The following EDNRA variants were observed in gnomAD, a reference collection of about 807,000 sequenced individuals.
The protein encoded by EDNRA is endothelin receptor type A.
Under a neutral mutation model 41.4 loss-of-function variants are expected in EDNRA, and 11 were observed. The observed-to-expected ratio is 0.27, with a 90% CI of 0.17 to 0.44. The LOEUF (loss-of-function observed/expected upper bound fraction) is 0.44. EDNRA is among the 20% of genes least tolerant of loss of function. The pLI is 1.00. For missense variants in EDNRA, 294 were observed against 531.0 expected, an observed-to-expected ratio of 0.55 and a Z score of 4.39; for synonymous variants, 172 against 183.0, an observed-to-expected ratio of 0.94 and a Z score of 0.49.
At chr4:147,520,377 G>A (rs1205451424) in intron 3 of EDNRA, 12 of 518,300 alleles carry the variant, frequency 2.3e-5, no homozygotes, top group South Asian at 1.7e-4. Flanking sequence ...TGAGTGAGAG[G>A]TAAGTGCACC....
At chr4:147,536,747 G>A (rs915984513) in intron 5 of EDNRA, among the ~76,000 whole-genome samples, 6 of 152,240 alleles carry the variant, frequency 3.9e-5, no homozygotes, top group Non-Finnish European at 8.8e-5. Context: ...CAAAGTTCTA[G>A]AAGGAATTTG....
In EDNRA at chr4:147,527,261, GA is replaced by G. The variant is rs533767437; in HGVS notation, c.549-5237del. 1.2e-3 allele frequency among the ~76,000 whole-genome samples: 184 copies of G among 151,736 alleles called. 1 individual carries two copies. In the Middle Eastern group the frequency reaches 0.02, roughly 17 times the overall value. ...AATCCAGAAAAATCATTCAGAAAGA[GA>G]AAAAAAATTATGTGTACAAACAAGC... is the stretch of plus-strand genomic sequence containing the variant. On this transcript the variant is annotated intron_variant, in intron 3 of 7. Coordinates refer to ENST00000651419, the MANE Select transcript of EDNRA (RefSeq NM_001957.4).
chr4:147,516,408 TAAAC>T (rs1227207094), intron 2 of EDNRA, among the ~76,000 whole-genome samples: 2 of 152,376 alleles, frequency 1.3e-5, no homozygotes, highest in African/African-American at 4.8e-5. Flanking sequence ...GAGACACTGA[TAAAC>T]AACTTTCAAA....
At chr4:147,490,708 A>G (rs1453177271) in intron 2 of EDNRA, 2 of 152,200 alleles carry the variant, frequency 1.3e-5, no homozygotes, top group Admixed American at 6.5e-5. Context: ...TTAATGATTC[A>G]TGAGATTACA....
intron 3 of EDNRA, among the ~76,000 whole-genome samples, chr4:147,523,910 G>C (rs1474041457): frequency 6.6e-6 from 1 of 152,020 alleles, no homozygotes; most frequent in African/African-American, 2.4e-5. Flanking sequence ...GCCTGAACTC[G>C]TATTTTAGGT....
At chr4:147,525,123 A>T (rs985592313) in intron 3 of EDNRA, among the ~76,000 whole-genome samples, 1 of 152,208 alleles carries the variant, frequency 6.6e-6, no homozygotes, top group Non-Finnish European at 1.5e-5. Context: ...GAAACCTTAC[A>T]TCCAAGTTCT....
rs1348842075 is a variant in EDNRA, at chr4:147,543,983, A to G, written c.*1365A>G. On this transcript the variant is annotated 3_prime_UTR_variant, in exon 8 of 8. Coordinates refer to ENST00000651419, the MANE Select transcript of EDNRA (RefSeq NM_001957.4). ...TGAGTACAGCAGAAAATCTTTTACT[A>G]GTGTGTGTGTGTATATATATAAACA... 1 of 152,092 alleles carries G rather than the reference A, an allele frequency of 6.6e-6. No individual in the cohort carries two copies. The highest frequency in any genetic ancestry group is 1.5e-5 in the Non-Finnish European group (1 of 67,894). The allele number at this position is 152,092 out of a possible 1,614,324, so 9.4% of individuals were successfully genotyped here.
At position 147,532,985 on chromosome 4, in the gene EDNRA, A is replaced by ATG. The variant is rs113450165; in HGVS notation, c.747+299_747+300dup. Among the ~76,000 whole-genome samples the ATG allele has an allele frequency of 3.9e-3, 488 of 125,240 alleles. 2 individuals carry two copies. The highest frequency in any genetic ancestry group is 0.013 in the African/African-American group (335 of 24,928). 82.2% of individuals were successfully genotyped at this position (125,240 alleles called of 152,430 possible). The stretch of plus-strand genomic sequence containing the variant: ...AAGCAAATTTACTAAGAGGGACTAG[A>ATG]TGTGTGTGTGTGTGTGTGTATGTGT... On this transcript the variant is annotated intron_variant, in intron 4 of 7. Transcript: ENST00000651419.
chr4:147,486,217 T>C lies in EDNRA; in HGVS notation c.420+116T>C. On this transcript the variant is annotated intron_variant, in intron 2 of 7. Transcript: ENST00000651419. The surrounding 1 kb of genome is among the most constrained non-coding windows in gnomAD (Gnocchi z 4.3). ...TTTTATCTGTGTTTTTACTGAGAGCTATTTCTGCTGTCTTCTAACTACTAG... is the reference window on the plus strand; with the variant it reads ...TTTTATCTGTGTTTTTACTGAGAGCCATTTCTGCTGTCTTCTAACTACTAG... The C allele has an allele frequency of 8.7e-7, 1 of 1,153,856 alleles. No homozygotes were observed. Among genetic ancestry groups the C allele is most frequent in the Non-Finnish European group, 1.2e-6 (1 of 833,368 alleles). The allele number at this position is 1,153,856 out of a possible 1,614,324, so 71.5% of individuals were successfully genotyped here. A position where few individuals can be genotyped will look rare whatever the true frequency, so the allele number is the denominator to read the frequency against.
intron 2 of EDNRA, among the ~76,000 whole-genome samples, chr4:147,516,306 G>T (rs1730113577): frequency 6.6e-6 from 1 of 152,202 alleles, no homozygotes; most frequent in Admixed American, 6.5e-5. Context: ...CCTCTCTTCA[G>T]CCTAGACTCT....
chr4:147,508,770 C>T (rs1337264312), intron 2 of EDNRA, among the ~76,000 whole-genome samples: 2 of 152,108 alleles, frequency 1.3e-5, no homozygotes, highest in African/African-American at 4.8e-5. Flanking sequence ...AATATAAGAG[C>T]TTGTATCTGG....
chr4:147,542,525 G>A lies in EDNRA; in HGVS notation c.1191G>A (p.Ser397=), dbSNP rs1255931629. ...CCYQSKSLMT[S]VPMNGTSIQW... ...ACCAGTCCAAAAGTCTGATGACCTCGGTCCCCATGAACGGAACAAGCATCC... is the reference window on the plus strand; with the variant it reads ...ACCAGTCCAAAAGTCTGATGACCTCAGTCCCCATGAACGGAACAAGCATCC... Residue 397 remains serine (S), a synonymous_variant, in exon 8 of 8, where the codon TCG becomes TCA. Transcript: ENST00000651419. 1.2e-6 allele frequency: 2 copies of A among 1,614,034 alleles called. No individual in the cohort carries two copies. The highest frequency in any genetic ancestry group is 1.3e-5 in the African/African-American group (1 of 75,006).
Position 147,485,986 on chromosome 4 carries a change from T to C in EDNRA, c.305T>C (p.Leu102Pro). The change falls in exon 2 of 8, where the codon CTC (leucine) becomes CCC (proline). Residue 102 changes from leucine to proline, a missense_variant. Around this residue, in one of 3 missense-constraint regions of EDNRA, gnomAD observed 90 missense variants for 122.8 expected, o/e 0.73. Transcript: ENST00000651419. ...IVGMVGNATL[L>P]RIIYQNKCMR... is the part of the protein sequence containing the mutation. The stretch of plus-strand genomic sequence containing the variant: ...GGAATGGTGGGGAATGCAACTCTGC[T>C]CAGGATCATTTACCAGAACAAATGT... The C allele has an allele frequency of 6.2e-7, 1 of 1,614,272 alleles. No homozygotes were observed. Among genetic ancestry groups the C allele is most frequent in the Non-Finnish European group, 8.5e-7 (1 of 1,180,050 alleles).
At chr4:147,498,151 A>G (rs1226812012) in intron 2 of EDNRA, among the ~76,000 whole-genome samples, 2 of 152,252 alleles carry the variant, frequency 1.3e-5, no homozygotes, top group African/African-American at 2.4e-5. Flanking sequence ...TCATCTTACA[A>G]TGTAAACACT....
chr4:147,511,928 A>T (rs1389301489), intron 2 of EDNRA, among the ~76,000 whole-genome samples: 1 of 152,208 alleles, frequency 6.6e-6, no homozygotes, highest in Non-Finnish European at 1.5e-5. Context: ...TTATGACAAG[A>T]TGTAGGGCTC....
At chr4:147,526,477 C>A (rs1047669965) in intron 3 of EDNRA, among the ~76,000 whole-genome samples, 1 of 152,284 alleles carries the variant, frequency 6.6e-6, no homozygotes, top group African/African-American at 2.4e-5. Context: ...GTCTCAGGGT[C>A]CTCTCTGTTT....
chr4:147,490,177 AC>A (rs1729092645), intron 2 of EDNRA: 1 of 147,360 alleles, frequency 6.8e-6, no homozygotes, highest in Non-Finnish European at 1.5e-5. Context: ...ACACACACAC[AC>A]ACACACACAA....
At position 147,542,613 on chromosome 4, in the gene EDNRA, A is replaced by C; in HGVS notation, c.1279A>C (p.Asn427His). The change falls in exon 8 of 8, where the codon AAC becomes CAC. Residue 427 changes from asparagine (N) to histidine (H), a missense_variant. By Grantham distance (68) the Asn-to-His change is moderately conservative (BLOSUM62 1). Coordinates refer to ENST00000651419, the MANE Select transcript of EDNRA (RefSeq NM_001957.4). ...CCGGAGCAGCCATAAGGACAGCATG[A>C]ACTGACCACCCTTAGAAGCACTCCT... ...TDRSSHKDSM[N>H] 1 of 1,613,996 alleles carries C rather than the reference A, an allele frequency of 6.2e-7. No homozygotes were observed. The highest frequency in any genetic ancestry group is 8.5e-7 in the Non-Finnish European group (1 of 1,179,948).
In EDNRA at chr4:147,485,661, T is replaced by C. The variant is rs762688097; in HGVS notation, c.-21T>C. The stretch of plus-strand genomic sequence containing the variant: ...AGCAGCACAAGTGCAATAAGAGATA[T>C]TTCCTCAAATTTGCCTCAAGATGGA... On this transcript the variant is annotated 5_prime_UTR_variant, in exon 2 of 8. Coordinates refer to ENST00000651419, the MANE Select transcript of EDNRA (RefSeq NM_001957.4). 5 of 1,560,992 alleles carry C rather than the reference T, an allele frequency of 3.2e-6. No homozygotes were observed. Among genetic ancestry groups the C allele is most frequent in the South Asian group, 1.2e-5 (1 of 81,450 alleles).
Sources: allele counts gnomAD v4.1 joint callset (sites outside exome capture counted in the v4.1 genomes callset), GRCh38; gene constraint gnomAD v4.1.1; regional missense constraint gnomAD v4.1.1; non-coding constraint Gnocchi (gnomAD v3.1); transcripts MANE v1.5; gene names NCBI Gene and HGNC (gene_info 2026-07-23, HGNC 2026-07-21).